Variants in STPG2 observed in about 807,000 individuals in gnomAD.
STPG2 encodes sperm-tail PG-rich repeat-containing protein 2.
In STPG2, 56 loss-of-function variants were observed where a neutral mutation model predicts 54.2. The observed-to-expected ratio is 1.03, with a 90% CI of 0.83 to 1.29. The LOEUF is 1.29. STPG2 is among the 50% of genes most tolerant of loss of function. The pLI is 0.00. For missense variants in STPG2, 596 were observed against 544.9 expected, an observed-to-expected ratio of 1.09 and a Z score of -0.93; for synonymous variants, 200 against 181.8, an observed-to-expected ratio of 1.10 and a Z score of -0.81.
At chr4:97,746,875 T>C (rs189884600) in intron 9 of STPG2, among the ~76,000 whole-genome samples, 25 of 151,296 alleles carry the variant, frequency 1.7e-4, no homozygotes, top group Non-Finnish European at 8.9e-5. Flanking sequence ...TCTATTGCTA[T>C]ATACCATGTT....
chr4:98,038,960 T>C (rs567821901), intron 5 of STPG2, among the ~76,000 whole-genome samples: 1 of 152,056 alleles, frequency 6.6e-6, no homozygotes, highest in African/African-American at 2.4e-5. Flanking sequence ...CACATACCCA[T>C]CACTCTGAAG....
chr4:97,531,232 A>T (rs553865872), intron 4 of STPG2, among the ~76,000 whole-genome samples: 1 of 152,336 alleles, frequency 6.6e-6, no homozygotes, highest in South Asian at 2.1e-4. Context: ...TGTGGAGAAA[A>T]GGGAACACTT....
chr4:97,985,700 G>A (rs189397335), intron 5 of STPG2, among the ~76,000 whole-genome samples: 1 of 152,078 alleles, frequency 6.6e-6, no homozygotes, highest in East Asian at 1.9e-4. Context: ...TTTTACTGCA[G>A]AACCATTATT....
chr4:97,643,984 C>T (rs1372467870), intron 10 of STPG2, among the ~76,000 whole-genome samples: 1 of 151,802 alleles, frequency 6.6e-6, no homozygotes, highest in African/African-American at 2.4e-5. Context: ...GATTTTCAAT[C>T]TTTCTAATCT....
chr4:97,990,531 T>C (rs1044177785), intron 5 of STPG2, among the ~76,000 whole-genome samples: 1 of 152,230 alleles, frequency 6.6e-6, no homozygotes, highest in Non-Finnish European at 1.5e-5. Flanking sequence ...GTTCTCATCT[T>C]AGACCTAATG....
chr4:97,923,745 A>G (rs930633450), intron 8 of STPG2, among the ~76,000 whole-genome samples: 2 of 152,190 alleles, frequency 1.3e-5, no homozygotes, highest in African/African-American at 4.8e-5. Flanking sequence ...AAATGCACCA[A>G]TCAGCACTCT....
intron 7 of STPG2, among the ~76,000 whole-genome samples, chr4:97,966,633 G>A (rs957333130): frequency 6.6e-6 from 1 of 152,136 alleles, no homozygotes; most frequent in Admixed American, 6.6e-5. Flanking sequence ...GAAAGGTCGG[G>A]TTACCCACAA....
chr4:98,026,791 C>G (rs1345504954), intron 5 of STPG2, among the ~76,000 whole-genome samples: 1 of 152,126 alleles, frequency 6.6e-6, no homozygotes, highest in Admixed American at 6.6e-5. Flanking sequence ...TTGCCCTTCT[C>G]TCTCTCTCTT....
intron 8 of STPG2, among the ~76,000 whole-genome samples, chr4:97,856,200 G>A (rs899558251): frequency 2.0e-4 from 31 of 152,086 alleles, no homozygotes; most frequent in Admixed American, 1.3e-3. Flanking sequence ...CTAATTCTGC[G>A]GAGAATGTCA....
At chr4:98,135,488 A>T (rs977138084) in intron 1 of STPG2, among the ~76,000 whole-genome samples, 17 of 151,788 alleles carry the variant, frequency 1.1e-4, no homozygotes, top group Non-Finnish European at 2.2e-4. Context: ...AAATAATTTT[A>T]AAAAAGGAAA....
At chr4:97,716,707 G>C (rs999060269) in intron 9 of STPG2, among the ~76,000 whole-genome samples, 1 of 151,490 alleles carries the variant, frequency 6.6e-6, no homozygotes, top group Non-Finnish European at 1.5e-5. Context: ...GGGGGTGGGG[G>C]GTGGAAGGCT....
intron 9 of STPG2, among the ~76,000 whole-genome samples, chr4:97,802,878 A>G (rs1318966641): frequency 1.3e-5 from 2 of 152,176 alleles, no homozygotes. Flanking sequence ...AATATATTTG[A>G]AGTAAAAAAA....
At position 97,979,158 on chromosome 4, in the gene STPG2, CTT is replaced by C. The variant is rs1734587895; in HGVS notation, c.772+1999_772+2000del. 2.0e-5 allele frequency among the ~76,000 whole-genome samples: 3 copies of C among 152,152 alleles called. No individual in the cohort carries two copies. In the South Asian group the frequency reaches 6.2e-4, roughly 32 times the overall value. On this transcript the variant is annotated intron_variant, in intron 6 of 10. Coordinates refer to ENST00000295268, the MANE Select transcript of STPG2 (RefSeq NM_174952.3). ...AAAGGTTTTATAAGAATCGTATCATCTTGGGATAAAAGGGACAATGAGAGTAA... is the reference window on the plus strand; with the variant it reads ...AAAGGTTTTATAAGAATCGTATCATCGGGATAAAAGGGACAATGAGAGTAA...
At chr4:97,655,905 C>T (rs574684139) in intron 10 of STPG2, among the ~76,000 whole-genome samples, 17 of 152,022 alleles carry the variant, frequency 1.1e-4, no homozygotes, top group African/African-American at 4.1e-4. Flanking sequence ...TTAGGACACA[C>T]CTTTTGTTCT....
chr4:97,818,995 TA>T (rs1440196997), intron 9 of STPG2, among the ~76,000 whole-genome samples: 1 of 148,034 alleles, frequency 6.8e-6, no homozygotes, highest in Non-Finnish European at 1.5e-5. Context: ...ATATTATATA[TA>T]AAAAGTGTCC....
chr4:97,853,477 A>C (rs1729234317), intron 8 of STPG2, among the ~76,000 whole-genome samples: 1 of 152,202 alleles, frequency 6.6e-6, no homozygotes, highest in African/African-American at 2.4e-5. Context: ...AAATTAGCTT[A>C]CATTTCATGT....
At chr4:97,735,660 C>T (rs1487515370) in intron 9 of STPG2, among the ~76,000 whole-genome samples, 1 of 148,666 alleles carries the variant, frequency 6.7e-6, no homozygotes, top group Non-Finnish European at 1.5e-5. Context: ...TGTGTATATT[C>T]TTATAATATA....
chr4:97,608,787 C>G (rs1162092950), intron 10 of STPG2, among the ~76,000 whole-genome samples: 1 of 151,978 alleles, frequency 6.6e-6, no homozygotes, highest in Non-Finnish European at 1.5e-5. Context: ...TTGTATTGCC[C>G]TTTTATCTAG....
chr4:97,608,489 G>C (rs1387935660), intron 10 of STPG2, among the ~76,000 whole-genome samples: 2 of 151,906 alleles, frequency 1.3e-5, no homozygotes, highest in Admixed American at 1.3e-4. Context: ...GCCTACCTTT[G>C]GTTTTCTTCG....
Sources: allele counts gnomAD v4.1 joint callset (sites outside exome capture counted in the v4.1 genomes callset), GRCh38; gene constraint gnomAD v4.1.1; transcripts MANE v1.5; gene names NCBI Gene and HGNC (gene_info 2026-07-23, HGNC 2026-07-21).